ADK: variants seen among roughly 807,000 people sequenced by gnomAD.
The protein encoded by ADK is N6,N6-dimethyladenosine kinase.
ADK carries 24 observed loss-of-function variants against 44.7 expected under a neutral mutation model. That is an observed-to-expected ratio of 0.54 (90% CI 0.39 to 0.76). ADK has a LOEUF of 0.76. Among genes scored for constraint, ADK ranks in the 30% least tolerant of loss-of-function variants. ADK has a pLI of 0.00. For synonymous variants in ADK, 128 were observed against 142.6 expected (o/e 0.90, Z 0.73); for missense variants, 321 against 425.1 (o/e 0.76, Z 2.15).
chr10:74,288,376 G>A (rs1302302673), intron 3 of ADK, among the ~76,000 whole-genome samples: 3 of 152,120 alleles, frequency 2.0e-5, no homozygotes, highest in East Asian at 1.9e-4. Flanking sequence ...TAGGCTGAGC[G>A]CAGTGGCTCA....
intron 1 of ADK, among the ~76,000 whole-genome samples, chr10:74,183,440 G>A (rs1009931814): frequency 2.0e-5 from 3 of 152,092 alleles, no homozygotes; most frequent in African/African-American, 7.2e-5. Flanking sequence ...GGGTATGATG[G>A]TATTGTGCCT....
intron 6 of ADK, among the ~76,000 whole-genome samples, chr10:74,486,947 T>C (rs1324565882): frequency 2.0e-5 from 3 of 152,138 alleles, no homozygotes; most frequent in Non-Finnish European, 4.4e-5. Flanking sequence ...TTTAAGGTTA[T>C]CAAATTGTAT....
chr10:74,341,058 A>G (rs1333228184), intron 4 of ADK, among the ~76,000 whole-genome samples: 2 of 152,200 alleles, frequency 1.3e-5, no homozygotes, highest in African/African-American at 4.8e-5. Flanking sequence ...GCTTGATTGA[A>G]GAACACTTGT....
intron 4 of ADK, among the ~76,000 whole-genome samples, chr10:74,392,649 C>T (rs1281380639): frequency 6.6e-6 from 1 of 152,076 alleles, no homozygotes; most frequent in East Asian, 1.9e-4. Flanking sequence ...GATATAATCA[C>T]ATTTATCTAT....
At chr10:74,155,521 T>TA (rs1841721335) in intron 1 of ADK, among the ~76,000 whole-genome samples, 1 of 151,968 alleles carries the variant, frequency 6.6e-6, no homozygotes, top group Non-Finnish European at 1.5e-5. Context: ...TATATATATA[T>TA]TTTTTTGTTT....
At chr10:74,257,885 C>T (rs1346635874) in intron 3 of ADK, among the ~76,000 whole-genome samples, 1 of 152,120 alleles carries the variant, frequency 6.6e-6, no homozygotes, top group Non-Finnish European at 1.5e-5. Context: ...GTGTCATTAA[C>T]ATGTAAGATA....
chr10:74,225,967 C>T (rs536635400), intron 3 of ADK, among the ~76,000 whole-genome samples: 2 of 152,076 alleles, frequency 1.3e-5, no homozygotes, highest in Admixed American at 6.6e-5. Flanking sequence ...ATTAAAAATA[C>T]CAGAAATCTG....
chr10:74,188,796 G>C (rs752485328), intron 1 of ADK, among the ~76,000 whole-genome samples: 1 of 151,662 alleles, frequency 6.6e-6, no homozygotes, highest in Non-Finnish European at 1.5e-5. Context: ...ATTCAGAGAC[G>C]GAGTCTTGCT....
chr10:74,195,796 C>T (rs1052856208), intron 1 of ADK, among the ~76,000 whole-genome samples: 2 of 146,006 alleles, frequency 1.4e-5, no homozygotes, highest in African/African-American at 5.0e-5. Context: ...TCCACCTCAG[C>T]TTCCCTAGTA....
intron 9 of ADK, 91 bp downstream of exon 9, chr10:74,600,584 C>A: frequency 1.9e-6 from 1 of 538,716 alleles, no homozygotes; most frequent in Non-Finnish European, 3.3e-6. Context: ...ATAATATATA[C>A]AATATACATA....
At chr10:74,291,419 A>AAAC (rs1245288806) in intron 3 of ADK, among the ~76,000 whole-genome samples, 123 of 152,074 alleles carry the variant, frequency 8.1e-4, no homozygotes, top group Middle Eastern at 3.4e-3. Context: ...TCCGTCTCAA[A>AAAC]AACAACAACA....
intron 6 of ADK, among the ~76,000 whole-genome samples, chr10:74,425,107 A>G (rs937205260): frequency 1.3e-5 from 2 of 152,200 alleles, no homozygotes; most frequent in African/African-American, 4.8e-5. Context: ...ATACGTTTCC[A>G]AAGAGAGTAT....
intron 1 of ADK, among the ~76,000 whole-genome samples, chr10:74,195,707 C>CCTT (rs1843114261): frequency 1.0e-5 from 1 of 97,526 alleles, no homozygotes; most frequent in Non-Finnish European, 1.9e-5. Context: ...TCTTTTCTTT[C>CCTT]TTTTTTTTTT....
intron 6 of ADK, among the ~76,000 whole-genome samples, chr10:74,441,805 C>T (rs1271965327): frequency 1.3e-5 from 2 of 152,050 alleles, no homozygotes; most frequent in African/African-American, 4.8e-5. Context: ...TTGTAAACCC[C>T]ATATATGATA....
At chr10:74,660,797 G>A (rs1421638348) in intron 9 of ADK, among the ~76,000 whole-genome samples, 1 of 151,568 alleles carries the variant, frequency 6.6e-6, no homozygotes, top group Admixed American at 6.6e-5. Flanking sequence ...ACTTTGGGAG[G>A]CCAAGGCAGG....
intron 4 of ADK, among the ~76,000 whole-genome samples, chr10:74,327,461 A>C (rs1302621839): frequency 1.3e-5 from 2 of 152,200 alleles, no homozygotes; most frequent in East Asian, 3.8e-4. Flanking sequence ...AAGAATGTGT[A>C]ATCTTCAGCC....
intron 1 of ADK, among the ~76,000 whole-genome samples, chr10:74,177,259 A>G (rs1192794869): frequency 6.6e-6 from 1 of 152,114 alleles, no homozygotes; most frequent in African/African-American, 2.4e-5. Context: ...CCTGCGTGTC[A>G]TGCCCTCTGA....
chr10:74,677,432 C>A (rs1432975576), intron 10 of ADK, among the ~76,000 whole-genome samples: 1 of 152,288 alleles, frequency 6.6e-6, no homozygotes, highest in Non-Finnish European at 1.5e-5. Flanking sequence ...CACCTTGTTT[C>A]TTTGGTCCCA....
chr10:74,168,689 T>A (rs966309304), intron 1 of ADK, among the ~76,000 whole-genome samples: 11 of 151,728 alleles, frequency 7.2e-5, no homozygotes, highest in African/African-American at 2.7e-4. Flanking sequence ...CTCGGCCCAC[T>A]GCAACCTCCA....
Sources: allele counts gnomAD v4.1 joint callset (sites outside exome capture counted in the v4.1 genomes callset), GRCh38; gene constraint gnomAD v4.1.1; transcripts MANE v1.5; gene names NCBI Gene and HGNC (gene_info 2026-07-23, HGNC 2026-07-21).